The following SOS1 variants were observed in gnomAD, a reference collection of about 807,000 sequenced individuals.
The protein encoded by SOS1 is son of sevenless homolog 1.
A neutral mutation model predicts 157.6 loss-of-function variants in SOS1; 25 were observed. The ratio of observed to expected loss-of-function variants is 0.16; its 90% CI spans 0.12 to 0.22. SOS1 has a LOEUF of 0.22. Ranked by LOEUF, SOS1 falls within the 10% of genes least tolerant of loss-of-function variation. The pLI, the probability that SOS1 is intolerant of heterozygous loss-of-function variation, is 1.00. For synonymous variants in SOS1, 528 were observed against 534.0 expected (o/e 0.99, Z 0.16); for missense variants, 1,237 against 1,599.1 (o/e 0.77, Z 3.86).
At chr2:39,116,601 T>C (rs1391853056) in intron 1 of SOS1, among the ~76,000 whole-genome samples, 1 of 152,242 alleles carries the variant, frequency 6.6e-6, no homozygotes, top group Non-Finnish European at 1.5e-5. Flanking sequence ...CTGGGCACAG[T>C]GGCTCACCCT....
chr2:39,027,197 T>C (rs572405089), intron 8 of SOS1, among the ~76,000 whole-genome samples: 3 of 152,200 alleles, frequency 2.0e-5, no homozygotes, highest in Non-Finnish European at 2.9e-5. Flanking sequence ...ATAATTCTCA[T>C]ACACATAAAA....
At chr2:39,054,342 C>T (rs190416912) in intron 5 of SOS1, among the ~76,000 whole-genome samples, 26 of 152,316 alleles carry the variant, frequency 1.7e-4, no homozygotes, top group Admixed American at 1.6e-3. Context: ...AACATATCTT[C>T]CACCTAAACA....
At chr2:39,089,575 A>G (rs1672508747) in intron 1 of SOS1, among the ~76,000 whole-genome samples, 1 of 151,878 alleles carries the variant, frequency 6.6e-6, no homozygotes, top group South Asian at 2.1e-4. Context: ...CCAACCTAAA[A>G]AAGCTCCCAA....
chr2:38,997,331 C>A lies in SOS1; in HGVS notation c.2886G>T (p.Arg962Ser). 6.2e-7 allele frequency: 1 copy of A among 1,613,148 alleles called. No homozygotes were observed. Among genetic ancestry groups the A allele is most frequent in the Non-Finnish European group, 8.5e-7 (1 of 1,179,346 alleles). ...TCTCTCCTGTTATTTCTGCTACTTT[C>A]CTCCTTTTGCTAAAGTTTATAAGCT... ...GKELINFSKR[R>S]KVAEITGEIQ... The change falls in exon 18 of 23, where the codon AGG becomes AGT. Residue 962 changes from arginine to serine, a missense_variant. Coordinates refer to ENST00000402219, the MANE Select transcript of SOS1 (RefSeq NM_005633.4).
At chr2:39,124,616 G>A (rs140091523), upstream of SOS1, among the ~76,000 whole-genome samples, 379 of 152,358 alleles carry the variant, frequency 2.5e-3, 3 homozygotes, top group African/African-American at 8.7e-3. Context: ...CTGCCTTGCT[G>A]CAGCCACAGT....
At chr2:39,104,478 A>G (rs758064264) in intron 1 of SOS1, among the ~76,000 whole-genome samples, 2 of 152,220 alleles carry the variant, frequency 1.3e-5, no homozygotes, top group Non-Finnish European at 2.9e-5. Flanking sequence ...GCAAGGAGGT[A>G]GAGAAATTGA....
intron 1 of SOS1, among the ~76,000 whole-genome samples, chr2:39,082,947 G>A (rs1641268550): frequency 6.6e-6 from 1 of 152,172 alleles, no homozygotes; most frequent in Admixed American, 6.5e-5. Flanking sequence ...TTGATAGAAA[G>A]TTTATCGGTA....
At position 39,102,877 on chromosome 2, in the gene SOS1, C is replaced by A. The variant is rs192945152; in HGVS notation, c.87+17459G>T. Among the ~76,000 whole-genome samples the A allele has an allele frequency of 1.8e-4, 28 of 152,136 alleles. 1 individual carries two copies. Among genetic ancestry groups the A allele is most frequent in the African/African-American group, 5.5e-4 (23 of 41,512 alleles). ...GGCTGAGATGGGAAGATTGCTGGAG[C>A]CCAGGAAGTTGAGGCTACAGTTAGC... On this transcript the variant is annotated intron_variant, in intron 1 of 22. Transcript: ENST00000402219.
intron 1 of SOS1, among the ~76,000 whole-genome samples, chr2:39,090,479 T>C (rs1282721407): frequency 2.0e-5 from 3 of 152,084 alleles, no homozygotes; most frequent in Non-Finnish European, 2.9e-5. Flanking sequence ...GCGGATTACC[T>C]GAGGTCAGGA....
intron 1 of SOS1, among the ~76,000 whole-genome samples, chr2:39,105,685 ATCAGGAGT>A (rs1210938132): frequency 6.6e-6 from 1 of 151,544 alleles, no homozygotes; most frequent in East Asian, 1.9e-4. Context: ...ATGACCTGAA[ATCAGGAGT>A]TCAAGACCTG....
chr2:39,025,625 G>A (rs2124542743), intron 8 of SOS1, among the ~76,000 whole-genome samples: 1 of 152,076 alleles, frequency 6.6e-6, no homozygotes, highest in East Asian at 1.9e-4. Context: ...CTCCCAAAGT[G>A]CTGGGATTAC....
At chr2:38,991,983 ACT>A (rs1668748400) in intron 20 of SOS1, among the ~76,000 whole-genome samples, 1 of 152,148 alleles carries the variant, frequency 6.6e-6, no homozygotes, top group South Asian at 2.1e-4. Context: ...TTCTAGTCAA[ACT>A]CTGCCTTTTG....
chr2:39,124,121 A>C (rs1673992744), upstream of SOS1: 1 of 152,294 alleles, frequency 6.6e-6, no homozygotes, highest in Admixed American at 6.5e-5. Context: ...CAGCCCCGCT[A>C]AGGTCAAGGA....
Position 38,983,900 on chromosome 2 carries a change from A to G in SOS1, c.*1924T>C, listed in dbSNP as rs1668473876. 6.6e-6 allele frequency: 1 copy of G among 152,206 alleles called. No homozygotes were observed. Among genetic ancestry groups the G allele is most frequent in the Admixed American group, 6.5e-5 (1 of 15,268 alleles). The allele number at this position is 152,206 out of a possible 1,614,324, so 9.4% of individuals were successfully genotyped here. A position where few individuals can be genotyped will look rare whatever the true frequency, so the allele number is the denominator to read the frequency against. ...ACGCTTTTCAAAGAGGAAATATTTT[A>G]TAAAGAGAAGAATGGCTACCATCAT... On this transcript the variant is annotated 3_prime_UTR_variant, in exon 23 of 23. Transcript: ENST00000402219.
At chr2:39,107,663 G>GAAAAAAA (rs11464462) in intron 1 of SOS1, among the ~76,000 whole-genome samples, 1 of 96,260 alleles carries the variant, frequency 1.0e-5, no homozygotes, top group Admixed American at 1.2e-4. Flanking sequence ...ACACTAAAAA[G>GAAAAAAA]AAAAAAAAAA....
At chr2:39,062,114 T>G (rs1671423638) in intron 2 of SOS1, among the ~76,000 whole-genome samples, 1 of 152,026 alleles carries the variant, frequency 6.6e-6, no homozygotes, top group South Asian at 2.1e-4. Flanking sequence ...AATGGAAAGC[T>G]TATTAGAAAT....
At chr2:39,094,697 T>G (rs964638590) in intron 1 of SOS1, among the ~76,000 whole-genome samples, 2 of 151,174 alleles carry the variant, frequency 1.3e-5, no homozygotes, top group African/African-American at 4.9e-5. Context: ...TGTGAGGGGG[T>G]TCTGAGACCG....
intron 10 of SOS1, among the ~76,000 whole-genome samples, chr2:39,019,329 G>C (rs1269087613): frequency 6.6e-6 from 1 of 151,616 alleles, no homozygotes; most frequent in African/African-American, 2.4e-5. Flanking sequence ...TGTTGTTTTA[G>C]GTCTCATTAA....
rs754964244 is a variant in SOS1 at position 39,012,085 on chromosome 2, C to T, written c.2390+41G>A. Reference sequence around the variant, plus strand: ...CAGTATTTCATTTTAAAAGTTAACTCTTTTGAAATGACTTTTCAACTTGAA... The same window carrying T: ...CAGTATTTCATTTTAAAAGTTAACTTTTTTGAAATGACTTTTCAACTTGAA... On this transcript the variant is annotated intron_variant, in intron 14 of 22. Transcript: ENST00000402219. 13 of 1,399,938 alleles carry T rather than the reference C, an allele frequency of 9.3e-6. No homozygotes were observed. The African/African-American group carries it at 1.6e-4, about 17-fold the overall frequency. 86.7% of individuals were successfully genotyped at this position (1,399,938 alleles called of 1,614,324 possible).
Sources: allele counts gnomAD v4.1 joint callset (sites outside exome capture counted in the v4.1 genomes callset), GRCh38; gene constraint gnomAD v4.1.1; transcripts MANE v1.5; gene names NCBI Gene and HGNC (gene_info 2026-07-23, HGNC 2026-07-21).